The following CACNA2D3 variants were observed in gnomAD, a reference collection of about 807,000 sequenced individuals.
CACNA2D3 encodes the protein voltage-dependent calcium channel subunit alpha-2/delta-3.
In CACNA2D3, 60 loss-of-function variants were observed where a neutral mutation model predicts 160.6. The observed-to-expected ratio is 0.37, with a 90% CI of 0.30 to 0.46. The LOEUF (loss-of-function observed/expected upper bound fraction) is 0.46, where lower values mean the gene tolerates loss of function less well. Among genes scored for constraint, CACNA2D3 ranks in the 20% least tolerant of loss-of-function variants. The pLI, the probability that CACNA2D3 is intolerant of heterozygous loss-of-function variation, is 1.00. For synonymous variants in CACNA2D3, 558 were observed against 492.9 expected, an observed-to-expected ratio of 1.13 and a Z score of -1.75; for missense variants, 1,205 against 1,365.0, an observed-to-expected ratio of 0.88 and a Z score of 1.85.
chr3:54,340,271 A>G (rs1575404351), intron 3 of CACNA2D3, among the ~76,000 whole-genome samples: 1 of 151,564 alleles, frequency 6.6e-6, no homozygotes, highest in Non-Finnish European at 1.5e-5. Flanking sequence ...ACACCCATAC[A>G]CCCCCCATTC....
chr3:54,924,473 G>A, intron 27 of CACNA2D3: 2 of 655,712 alleles, frequency 3.1e-6, no homozygotes, highest in South Asian at 2.2e-5. Flanking sequence ...TGACTCTTTT[G>A]CCATACCGTG....
At chr3:54,776,464 A>G (rs1316618924) in intron 13 of CACNA2D3, among the ~76,000 whole-genome samples, 1 of 152,172 alleles carries the variant, frequency 6.6e-6, no homozygotes, top group Non-Finnish European at 1.5e-5. Flanking sequence ...GCAGTGAGCC[A>G]TGACTGCACC....
Position 54,953,604 on chromosome 3 carries a change from C to T in CACNA2D3, c.2450-14846C>T, listed in dbSNP as rs189733558. ...ACTTCTTGCAATACTTGGACATCCA[C>T]GATCCTTTCTATTTTAAAGACTTCT... is the stretch of plus-strand genomic sequence containing the variant. On this transcript the variant is annotated intron_variant, in intron 27 of 37. Transcript: ENST00000474759. Among the ~76,000 whole-genome samples the T allele has an allele frequency of 7.2e-5, 11 of 152,328 alleles. No individual in the cohort carries two copies. The East Asian group carries it at 1.2e-3, about 16-fold the overall frequency.
At chr3:54,426,479 T>C (rs922003858) in intron 4 of CACNA2D3, among the ~76,000 whole-genome samples, 1 of 152,270 alleles carries the variant, frequency 6.6e-6, no homozygotes, top group African/African-American at 2.4e-5. Flanking sequence ...AGTTATTCCC[T>C]TAAATATTTT....
At chr3:54,769,632 T>C (rs1238354549) in intron 13 of CACNA2D3, among the ~76,000 whole-genome samples, 1 of 152,200 alleles carries the variant, frequency 6.6e-6, no homozygotes, top group African/African-American at 2.4e-5. Flanking sequence ...CTATGCATAG[T>C]ATGAATGCAA....
intron 16 of CACNA2D3, among the ~76,000 whole-genome samples, chr3:54,845,224 A>C (rs962100296): frequency 6.6e-6 from 1 of 152,244 alleles, no homozygotes; most frequent in Non-Finnish European, 1.5e-5. Flanking sequence ...AGTGCAACGG[A>C]AACTTTTAAT....
intron 4 of CACNA2D3, among the ~76,000 whole-genome samples, chr3:54,486,099 T>C (rs141133241): frequency 1.3e-5 from 2 of 152,304 alleles, no homozygotes; most frequent in Non-Finnish European, 1.5e-5. Flanking sequence ...TTCTCTTTTG[T>C]TCTATAAATG....
At chr3:55,054,192 G>A (rs1341291199) in intron 35 of CACNA2D3, among the ~76,000 whole-genome samples, 1 of 151,572 alleles carries the variant, frequency 6.6e-6, no homozygotes, top group Non-Finnish European at 1.5e-5. Flanking sequence ...CCTGTCTCTT[G>A]TTTTAGCCCA....
chr3:54,420,239 T>G (rs1215664876), intron 4 of CACNA2D3, among the ~76,000 whole-genome samples: 3 of 152,024 alleles, frequency 2.0e-5, no homozygotes, highest in Non-Finnish European at 4.4e-5. Flanking sequence ...CACACGCCAC[T>G]ATGCCCAGCT....
At chr3:54,968,427 G>A (rs1299707108) in intron 27 of CACNA2D3, 23 bp from the exon 28 acceptor site, 1 of 1,564,328 alleles carries the variant, frequency 6.4e-7, no homozygotes, top group Non-Finnish European at 8.8e-7. Flanking sequence ...CTAATGCCTT[G>A]TTTTATTTAT....
At chr3:54,321,883 C>T (rs1029397281) in intron 3 of CACNA2D3, among the ~76,000 whole-genome samples, 23 of 134,752 alleles carry the variant, frequency 1.7e-4, no homozygotes, top group African/African-American at 6.5e-4. Flanking sequence ...GCTGCTCCAG[C>T]GACAGTGGTG....
chr3:54,430,936 G>T (rs550168978), intron 4 of CACNA2D3, among the ~76,000 whole-genome samples: 1 of 152,216 alleles, frequency 6.6e-6, no homozygotes, highest in East Asian at 1.9e-4. Context: ...TTGACCAGAA[G>T]CCTTACCAAT....
chr3:54,866,034 A>T (rs1168711), intron 17 of CACNA2D3, among the ~76,000 whole-genome samples: 26,067 of 152,064 alleles, frequency 0.17, 4,501 homozygotes, highest in African/African-American at 0.43. Context: ...ACCCTTCTCA[A>T]TGGGTTCCCT....
chr3:54,571,612 A>AGTGTGTGTGTGTGTGTGTGTGTGTGTGT (rs58652360), intron 8 of CACNA2D3, among the ~76,000 whole-genome samples: 1 of 136,214 alleles, frequency 7.3e-6, no homozygotes, highest in Non-Finnish European at 1.6e-5. Context: ...CACTTAACCA[A>AGTGTGTGTGTGTGTGTGTGTGTGTGTGT]GTGTGTGTGT....
intron 14 of CACNA2D3, among the ~76,000 whole-genome samples, chr3:54,819,859 A>G (rs1358766057): frequency 2.0e-5 from 3 of 152,096 alleles, no homozygotes; most frequent in Admixed American, 6.6e-5. Flanking sequence ...ACACACACAC[A>G]CACACAAAAC....
intron 3 of CACNA2D3, among the ~76,000 whole-genome samples, chr3:54,347,153 G>A (rs1337868477): frequency 6.6e-6 from 1 of 152,186 alleles, no homozygotes; most frequent in Non-Finnish European, 1.5e-5. Flanking sequence ...TTATACGCAA[G>A]GGCCCGGTTG....
chr3:54,666,594 C>T (rs1281404240), intron 11 of CACNA2D3, among the ~76,000 whole-genome samples: 1 of 152,212 alleles, frequency 6.6e-6, no homozygotes, highest in Non-Finnish European at 1.5e-5. Flanking sequence ...TATTAGTTTT[C>T]TTCCTCCAAT....
chr3:54,954,664 C>G lies in CACNA2D3; in HGVS notation c.2450-13786C>G, dbSNP rs537909414. On this transcript the variant is annotated intron_variant, in intron 27 of 37. Coordinates refer to ENST00000474759, the MANE Select transcript of CACNA2D3 (RefSeq NM_018398.3). Reference sequence around the variant, plus strand: ...AGAGGACAAACTGGCCCAGGCAGTTCCCCTGTTTTTCTTCCTGCCCTGAGA... The same window carrying G: ...AGAGGACAAACTGGCCCAGGCAGTTGCCCTGTTTTTCTTCCTGCCCTGAGA... 9.2e-5 allele frequency among the ~76,000 whole-genome samples: 14 copies of G among 152,238 alleles called. No homozygotes were observed. The South Asian group carries it at 2.9e-3, about 32-fold the overall frequency.
intron 11 of CACNA2D3, among the ~76,000 whole-genome samples, chr3:54,693,607 G>T (rs1214891344): frequency 6.6e-6 from 1 of 152,168 alleles, no homozygotes; most frequent in African/African-American, 2.4e-5. Context: ...CCTTCAGGAG[G>T]TGTCCAGAAG....
Sources: gnomAD v4.1 joint callset for allele counts (sites outside exome capture counted in the v4.1 genomes callset) on GRCh38, gnomAD v4.1.1 for gene constraint, MANE v1.5 for transcripts, NCBI Gene and HGNC (gene_info 2026-07-23, HGNC 2026-07-21) for gene names.